Variants in RALGAPB observed in about 807,000 individuals in gnomAD.
The protein encoded by RALGAPB is Ral GTPase activating protein non-catalytic subunit beta.
In RALGAPB, 25 loss-of-function variants were observed where a neutral mutation model predicts 161.1. The observed-to-expected ratio is 0.16, with a 90% CI of 0.11 to 0.22. RALGAPB has a LOEUF of 0.22. Among genes scored for constraint, RALGAPB ranks in the 10% least tolerant of loss-of-function variants. The probability of loss-of-function intolerance (pLI) is 1.00; values close to 1 mark genes in which losing one functional copy is unlikely to be tolerated. For synonymous variants in RALGAPB, 629 were observed against 626.1 expected (o/e 1.00, Z -0.07); for missense variants, 1,391 against 1,815.2 (o/e 0.77, Z 4.25).
intron 15 of RALGAPB, 122 bp from the exon 16 acceptor site, chr20:38,534,952 T>TG: frequency 8.3e-7 from 1 of 1,206,158 alleles, no homozygotes; most frequent in Non-Finnish European, 1.2e-6. Flanking sequence ...TAGCACTGTG[T>TG]GGGTGCCCGT....
At chr20:38,531,274 A>C in intron 14 of RALGAPB, 43 bp downstream of exon 14, 1 of 1,460,340 alleles carries the variant, frequency 6.8e-7, no homozygotes. Context: ...ATCACTTTTG[A>C]ATTTCATGTA....
chr20:38,542,605 G>A (rs905283863), intron 18 of RALGAPB, among the ~76,000 whole-genome samples: 5 of 152,124 alleles, frequency 3.3e-5, no homozygotes, highest in African/African-American at 1.2e-4. Context: ...CCTTAAAAGT[G>A]TCATAGGGCT....
chr20:38,575,051 TA>T lies in RALGAPB; in HGVS notation c.*89del, dbSNP rs2088387550. Reference sequence around the variant, plus strand: ...GTTTGATAGGTGATCACTGTAAAAATAAAAACAAATCACTCCCAAGAGCTTA... The same window carrying T: ...GTTTGATAGGTGATCACTGTAAAAATAAAACAAATCACTCCCAAGAGCTTA... On this transcript the variant is annotated 3_prime_UTR_variant, in exon 30 of 30. Coordinates refer to ENST00000262879, the MANE Select transcript of RALGAPB (RefSeq NM_020336.4). The T allele has an allele frequency of 8.7e-7, 1 of 1,151,438 alleles. No individual in the cohort carries two copies. Among genetic ancestry groups the T allele is most frequent in the East Asian group, 2.4e-5 (1 of 42,446 alleles). 71.3% of individuals were successfully genotyped at this position (1,151,438 alleles called of 1,614,324 possible). A position where few individuals can be genotyped will look rare whatever the true frequency, so the allele number is the denominator to read the frequency against.
At chr20:38,559,361 G>A (rs1360999300) in intron 23 of RALGAPB, among the ~76,000 whole-genome samples, 1 of 152,216 alleles carries the variant, frequency 6.6e-6, no homozygotes, top group East Asian at 1.9e-4. Flanking sequence ...GGAATGCATA[G>A]TGTGCAGTGG....
intron 5 of RALGAPB, among the ~76,000 whole-genome samples, chr20:38,507,737 G>T (rs1416499144): frequency 6.6e-6 from 1 of 151,266 alleles, no homozygotes; most frequent in Non-Finnish European, 1.5e-5. Flanking sequence ...TTGCTCTGTT[G>T]CCCAGGGTGG....
intron 1 of RALGAPB, among the ~76,000 whole-genome samples, chr20:38,488,100 C>T (rs2085171140): frequency 6.6e-6 from 1 of 152,160 alleles, no homozygotes; most frequent in South Asian, 2.1e-4. Context: ...TGACCCAGAA[C>T]ATATGCATAT....
intron 18 of RALGAPB, among the ~76,000 whole-genome samples, chr20:38,544,013 G>A (rs1488072172): frequency 2.6e-5 from 4 of 152,188 alleles, no homozygotes; most frequent in Non-Finnish European, 5.9e-5. Context: ...GTGCAGATTA[G>A]CTGGTTAGGT....
intron 16 of RALGAPB, among the ~76,000 whole-genome samples, chr20:38,537,434 TAGTG>T (rs1179836467): frequency 2.6e-5 from 4 of 152,158 alleles, no homozygotes; most frequent in Non-Finnish European, 4.4e-5. Context: ...CTGGGCAACA[TAGTG>T]AGACTTTGTC....
rs570277019 is a variant in RALGAPB at position 38,540,994 on chromosome 20, A to T, written c.2563-47A>T. ...TTTGGATGGATTTCCTTGTCTTCTC[A>T]TGAGAAAGGTGTGTTCTAAAAATTG... On this transcript the variant is annotated intron_variant, in intron 17 of 29. Transcript: ENST00000262879. The T allele has an allele frequency of 2.5e-5, 40 of 1,591,040 alleles. No individual in the cohort carries two copies. The Admixed American group carries it at 6.4e-4, about 25-fold the overall frequency.
intron 2 of RALGAPB, among the ~76,000 whole-genome samples, chr20:38,488,988 G>A (rs2085199729): frequency 6.6e-6 from 1 of 152,142 alleles, no homozygotes; most frequent in African/African-American, 2.4e-5. Context: ...GTGTTTGGAA[G>A]GCCTCATCCC....
chr20:38,551,209 A>G lies in RALGAPB; in HGVS notation c.3148A>G (p.Ile1050Val). The part of the protein sequence containing the change: ...ADLSIPDLHE[I>V]VTEELEERHE... ...TCTCAGCATTCCAGATTTGCATGAA[A>G]TAGTCACTGAAGAAGTAAGTACATT... Residue 1050 changes from isoleucine (I) to valine (V), a missense_variant, in exon 21 of 30, where the codon ATA (isoleucine) becomes GTA (valine). By Grantham distance (29) the Ile-to-Val change is conservative. Transcript: ENST00000262879. 1 of 1,613,832 alleles carries G rather than the reference A, an allele frequency of 6.2e-7. No individual in the cohort carries two copies. Among genetic ancestry groups the G allele is most frequent in the East Asian group, 2.2e-5 (1 of 44,876 alleles).
chr20:38,548,574 A>C (rs2087253903), intron 19 of RALGAPB, 115 bp from the exon 20 acceptor site: 1 of 800,218 alleles, frequency 1.2e-6, no homozygotes, highest in Admixed American at 2.5e-5. Flanking sequence ...AAAAGATCAA[A>C]GCTTAGGAAA....
rs1276065300 is a variant in RALGAPB at position 38,575,651 on chromosome 20, A to G, written c.*684A>G. The G allele has an allele frequency of 6.6e-6, 1 of 152,472 alleles. No homozygotes were observed. Among genetic ancestry groups the G allele is most frequent in the Non-Finnish European group, 1.5e-5 (1 of 68,080 alleles). The allele number at this position is 152,472 out of a possible 1,614,324, so 9.4% of individuals were successfully genotyped here. On this transcript the variant is annotated 3_prime_UTR_variant, in exon 30 of 30. Transcript: ENST00000262879. Reference sequence around the variant, plus strand: ...TGAGTGACCCAGGAACAGATCAGAAATGGAGCATGGCCTTGTCCTTTAATG... The same window carrying G: ...TGAGTGACCCAGGAACAGATCAGAAGTGGAGCATGGCCTTGTCCTTTAATG...
At chr20:38,478,136 C>G (rs1284904880) in intron 1 of RALGAPB, among the ~76,000 whole-genome samples, 1 of 152,104 alleles carries the variant, frequency 6.6e-6, no homozygotes, top group East Asian at 1.9e-4. Flanking sequence ...AGAGAAATGC[C>G]AGTTGACTTA....
intron 19 of RALGAPB, among the ~76,000 whole-genome samples, chr20:38,548,263 C>T (rs2087241792): frequency 6.6e-6 from 1 of 152,086 alleles, no homozygotes. Context: ...ACACTGCAAA[C>T]ACCCAGTCTG....
chr20:38,498,069 C>T (rs1340983980), intron 4 of RALGAPB, among the ~76,000 whole-genome samples: 1 of 123,868 alleles, frequency 8.1e-6, no homozygotes, highest in Admixed American at 8.2e-5. Flanking sequence ...GACTCTGTCT[C>T]AAAAAAAAAA....
At chr20:38,540,498 C>G (rs1294201599) in intron 17 of RALGAPB, among the ~76,000 whole-genome samples, 3 of 152,174 alleles carry the variant, frequency 2.0e-5, no homozygotes, top group African/African-American at 7.2e-5. Flanking sequence ...AAGGAGAGAT[C>G]ATTGGATATT....
intron 21 of RALGAPB, among the ~76,000 whole-genome samples, chr20:38,552,286 G>A (rs1373943867): frequency 3.3e-5 from 5 of 151,862 alleles, no homozygotes; most frequent in East Asian, 1.9e-4. Context: ...GATTACAGGC[G>A]CATGCCACCA....
intron 9 of RALGAPB, among the ~76,000 whole-genome samples, chr20:38,518,368 T>C (rs919566420): frequency 6.6e-5 from 10 of 152,212 alleles, no homozygotes; most frequent in Non-Finnish European, 1.3e-4. Flanking sequence ...TTACAAGAAG[T>C]GTTTTCGATT....
Sources: gnomAD v4.1 joint callset for allele counts (sites outside exome capture counted in the v4.1 genomes callset) on GRCh38, gnomAD v4.1.1 for gene constraint, MANE v1.5 for transcripts, NCBI Gene and HGNC (gene_info 2026-07-23, HGNC 2026-07-21) for gene names.